Variants in MAP2 observed in about 807,000 individuals in gnomAD.
MAP2 encodes the protein microtubule associated protein 2.
A neutral mutation model predicts 137.6 loss-of-function variants in MAP2; 14 were observed. The ratio of observed to expected loss-of-function variants is 0.10; its 90% CI spans 0.07 to 0.16. The LOEUF (loss-of-function observed/expected upper bound fraction) is 0.16, where lower values mean the gene tolerates loss of function less well. Among genes scored for constraint, MAP2 ranks in the 10% least tolerant of loss-of-function variants. MAP2 has a pLI of 1.00. For synonymous variants in MAP2, 786 were observed against 782.3 expected (o/e 1.00, Z -0.08); for missense variants, 2,088 against 2,191.5 (o/e 0.95, Z 0.94).
At chr2:209,442,706 C>G (rs1446554289) in intron 1 of MAP2, among the ~76,000 whole-genome samples, 1 of 151,706 alleles carries the variant, frequency 6.6e-6, no homozygotes, top group Non-Finnish European at 1.5e-5. Context: ...AACTGCCTGC[C>G]AGGTGGCTTC....
chr2:209,492,952 A>G (rs2059305479), intron 1 of MAP2, among the ~76,000 whole-genome samples: 1 of 152,222 alleles, frequency 6.6e-6, no homozygotes, highest in Non-Finnish European at 1.5e-5. Context: ...TAAATTTCAT[A>G]CAGAACCAAA....
chr2:209,586,788 CA>C (rs1427358882), intron 3 of MAP2, among the ~76,000 whole-genome samples: 1 of 152,070 alleles, frequency 6.6e-6, no homozygotes, highest in Non-Finnish European at 1.5e-5. Flanking sequence ...CCATGGAGAC[CA>C]TGCTTTGATT....
chr2:209,510,328 A>G (rs1258328985), intron 2 of MAP2, among the ~76,000 whole-genome samples: 2 of 151,986 alleles, frequency 1.3e-5, no homozygotes, highest in East Asian at 3.8e-4. Flanking sequence ...TGGATATTTC[A>G]TAGTTTATTT....
chr2:209,478,015 T>C (rs1199396118), intron 1 of MAP2, among the ~76,000 whole-genome samples: 1 of 151,740 alleles, frequency 6.6e-6, no homozygotes, highest in Non-Finnish European at 1.5e-5. Flanking sequence ...AAAAATAAAA[T>C]AAAGATACTA....
rs757600166 is a variant in MAP2 at position 209,692,770 on chromosome 2, G to T, written c.600G>T (p.Gln200His). The stretch of plus-strand genomic sequence containing the variant: ...TTAAACATGCTGCCTTAGTTTCTCA[G>T]CCAGAGACAACTAAAACTTACCCTG... The part of the protein sequence containing the change: ...EDLKHAALVS[Q>H]PETTKTYPDK... Residue 200 changes from glutamine to histidine, a missense_variant, in exon 8 of 16, where the codon CAG becomes CAT. Physicochemically the swap from Gln to His is conservative, Grantham distance 24. This residue lies in a region of MAP2 where 859 missense variants were observed against 794.5 expected (regional missense o/e 1.08). Transcript: ENST00000682079. 1 of 1,614,064 alleles carries T rather than the reference G, an allele frequency of 6.2e-7. No individual in the cohort carries two copies. The highest frequency in any genetic ancestry group is 8.5e-7 in the Non-Finnish European group (1 of 1,179,974).
chr2:209,660,631 G>A (rs1265807111), intron 5 of MAP2, among the ~76,000 whole-genome samples: 1 of 148,262 alleles, frequency 6.7e-6, no homozygotes, highest in Non-Finnish European at 1.5e-5. Context: ...TCCTGACCTC[G>A]TGATCCGCCT....
intron 3 of MAP2, among the ~76,000 whole-genome samples, chr2:209,619,912 G>A (rs1179852249): frequency 2.6e-5 from 4 of 152,116 alleles, no homozygotes; most frequent in African/African-American, 7.2e-5. Context: ...TGGGCTGTAA[G>A]AGGAAGTGAT....
intron 5 of MAP2, among the ~76,000 whole-genome samples, chr2:209,660,518 C>A (rs1330829419): frequency 9.5e-5 from 14 of 147,002 alleles, no homozygotes; most frequent in African/African-American, 3.2e-4. Flanking sequence ...CTCAGCCTCC[C>A]AATAGCTGGG....
chr2:209,435,260 C>A (rs57260504), intron 1 of MAP2, among the ~76,000 whole-genome samples: 3,341 of 145,606 alleles, frequency 0.023, 130 homozygotes, highest in African/African-American at 0.077. Context: ...TAATTTACAA[C>A]AATATTAATG....
intron 2 of MAP2, among the ~76,000 whole-genome samples, chr2:209,547,958 A>G (rs1397298850): frequency 6.6e-6 from 1 of 152,232 alleles, no homozygotes; most frequent in African/African-American, 2.4e-5. Context: ...TAAATGGAAG[A>G]AAGAAAATAA....
chr2:209,498,499 C>G (rs1226062002), intron 1 of MAP2, among the ~76,000 whole-genome samples: 3 of 152,210 alleles, frequency 2.0e-5, no homozygotes, highest in Non-Finnish European at 2.9e-5. Flanking sequence ...TGTGAGGGTT[C>G]CAACTTCACA....
chr2:209,600,496 C>T (rs2082668029), intron 3 of MAP2, among the ~76,000 whole-genome samples: 3 of 152,142 alleles, frequency 2.0e-5, no homozygotes, highest in South Asian at 4.1e-4. Flanking sequence ...AGCCTGTTTC[C>T]GGGGCTGTCT....
Position 209,694,184 on chromosome 2 carries a change from G to A in MAP2, c.2014G>A (p.Asp672Asn). ...TCCAAAAGTGTATGGAGAGAAAAGGGACCTCCACAGTAAGAATAAGGATGA... is the reference window on the plus strand; with the variant it reads ...TCCAAAAGTGTATGGAGAGAAAAGGAACCTCCACAGTAAGAATAAGGATGA... ...IDPKVYGEKRDLHSKNKDDLT... is the reference protein window; with the variant it reads ...IDPKVYGEKRNLHSKNKDDLT... Residue 672 changes from aspartate to asparagine, a missense_variant, in exon 8 of 16, where the codon GAC (aspartate) becomes AAC (asparagine). Physicochemically the swap from Asp to Asn is conservative, Grantham distance 23. Coordinates refer to ENST00000682079, the MANE Select transcript of MAP2 (RefSeq NM_001375505.1). 6.2e-7 allele frequency: 1 copy of A among 1,614,092 alleles called. No homozygotes were observed. The highest frequency in any genetic ancestry group is 2.2e-5 in the East Asian group (1 of 44,866).
In MAP2 at chr2:209,732,693, GT is replaced by G. The variant is rs1165541375; in HGVS notation, c.*2301del. ...AGTATTTTTCTCAACATTCTTTAAA[GT>G]TTTTATATAAGTTAACACTAGGTAA... On this transcript the variant is annotated 3_prime_UTR_variant, in exon 16 of 16. Coordinates refer to ENST00000682079, the MANE Select transcript of MAP2 (RefSeq NM_001375505.1). The G allele has an allele frequency of 1.3e-5, 2 of 152,534 alleles. No homozygotes were observed. Among genetic ancestry groups the G allele is most frequent in the African/African-American group, 4.8e-5 (2 of 41,430 alleles). The allele number at this position is 152,534 out of a possible 1,614,324, so 9.4% of individuals were successfully genotyped here. A position where few individuals can be genotyped will look rare whatever the true frequency, so the allele number is the denominator to read the frequency against.
chr2:209,566,665 G>A (rs1016190758), intron 2 of MAP2, among the ~76,000 whole-genome samples: 2 of 151,984 alleles, frequency 1.3e-5, no homozygotes, highest in East Asian at 1.9e-4. Context: ...CAGTCTTGGC[G>A]TTTCTGTGCT....
chr2:209,601,609 G>A (rs1393349761), intron 3 of MAP2, among the ~76,000 whole-genome samples: 1 of 152,108 alleles, frequency 6.6e-6, no homozygotes, highest in Non-Finnish European at 1.5e-5. Context: ...TATTTCTTTA[G>A]TGTTTTCCTC....
chr2:209,714,352 C>T (rs1219665677), intron 13 of MAP2, among the ~76,000 whole-genome samples: 1 of 152,182 alleles, frequency 6.6e-6, no homozygotes, highest in African/African-American at 2.4e-5. Flanking sequence ...TCTGCAAGGC[C>T]ATGTCTGTGG....
At chr2:209,603,663 AC>A (rs1442623584) in intron 3 of MAP2, among the ~76,000 whole-genome samples, 6 of 151,948 alleles carry the variant, frequency 3.9e-5, no homozygotes, top group African/African-American at 7.3e-5. Flanking sequence ...ATCTTTTTAT[AC>A]CCGCCTTTCT....
chr2:209,559,211 C>T (rs920197292), intron 2 of MAP2, among the ~76,000 whole-genome samples: 4 of 152,042 alleles, frequency 2.6e-5, no homozygotes, highest in African/African-American at 9.7e-5. Context: ...CTCCTTCTCT[C>T]TCCCCGCCGA....
Sources: gnomAD v4.1 joint callset for allele counts (sites outside exome capture counted in the v4.1 genomes callset) on GRCh38, gnomAD v4.1.1 for gene constraint, gnomAD v4.1.1 regional missense constraint, MANE v1.5 for transcripts, NCBI Gene and HGNC (gene_info 2026-07-23, HGNC 2026-07-21) for gene names.